EMC1: variants seen among roughly 807,000 people sequenced by gnomAD.
EMC1 encodes KIAA0090.
Under a neutral mutation model 128.8 loss-of-function variants are expected in EMC1, and 103 were observed. That is an observed-to-expected ratio of 0.80 (90% CI 0.68 to 0.94). The LOEUF is 0.94. Among genes scored for constraint, EMC1 ranks in the 40% least tolerant of loss-of-function variants. The pLI, the probability that EMC1 is intolerant of heterozygous loss-of-function variation, is 0.00. For missense variants in EMC1, 1,083 were observed against 1,250.6 expected (o/e 0.87, Z 2.02); for synonymous variants, 442 against 490.4 (o/e 0.90, Z 1.30).
chr1:19,226,684 T>C (rs151265644), intron 18 of EMC1, among the ~76,000 whole-genome samples: 2,691 of 151,414 alleles, frequency 0.018, 84 homozygotes, highest in African/African-American at 0.062. Flanking sequence ...GCCTCCCGAG[T>C]AGCTGAGACC....
At position 19,239,313 on chromosome 1, in the gene EMC1, A is replaced by AGCAAG; in HGVS notation, c.955-16_955-12dup. The AGCAAG allele has an allele frequency of 6.2e-7, 1 of 1,613,758 alleles. No individual in the cohort carries two copies. Among genetic ancestry groups the AGCAAG allele is most frequent in the Middle Eastern group, 1.7e-4 (1 of 6,040 alleles). On this transcript the variant is annotated splice_polypyrimidine_tract_variant and intron_variant, in intron 8 of 22. Coordinates refer to ENST00000477853, the MANE Select transcript of EMC1 (RefSeq NM_015047.3). ...GCTCACTAGGGCAGTCTGGGGGAAA[A>AGCAAG]GCAAGGCATCAGCTCCTAAATGGGA...
chr1:19,244,538 A>G, intron 2 of EMC1: 1 of 253,274 alleles, frequency 3.9e-6, no homozygotes, highest in Non-Finnish European at 7.7e-6. Context: ...CAGTCTCCCA[A>G]GTAGCTGGGA....
chr1:19,251,244 A>C (rs2151970027), intron 1 of EMC1, among the ~76,000 whole-genome samples, 171 bp downstream of exon 1: 1 of 152,332 alleles, frequency 6.6e-6, no homozygotes, highest in East Asian at 1.9e-4. Context: ...CTCTGCTTCC[A>C]ACGACTTTAA....
At chr1:19,229,819 G>A (rs2093506298) in intron 17 of EMC1, among the ~76,000 whole-genome samples, 1 of 152,194 alleles carries the variant, frequency 6.6e-6, no homozygotes, top group Admixed American at 6.5e-5. Flanking sequence ...AACCTTATGA[G>A]ACAGGTACTT....
At position 19,238,418 on chromosome 1, in the gene EMC1, C is replaced by A. The variant is rs184600685; in HGVS notation, c.1090-279G>T. Among the ~76,000 whole-genome samples, 589 of 152,302 alleles carry A rather than the reference C, an allele frequency of 3.9e-3. 3 individuals carry two copies. The highest frequency in any genetic ancestry group is 0.013 in the African/African-American group (525 of 41,554). Reference sequence around the variant, plus strand: ...AGAGGTAGGGCTGAGCAAGGTAAGACTGAGCAAGACAGGAGGCAGGGAAAC... The same window carrying A: ...AGAGGTAGGGCTGAGCAAGGTAAGAATGAGCAAGACAGGAGGCAGGGAAAC... On this transcript the variant is annotated intron_variant, in intron 10 of 22. Coordinates refer to ENST00000477853, the MANE Select transcript of EMC1 (RefSeq NM_015047.3).
intron 17 of EMC1, among the ~76,000 whole-genome samples, chr1:19,228,061 C>T (rs1407182072): frequency 3.9e-5 from 6 of 151,904 alleles, no homozygotes; most frequent in Non-Finnish European, 5.9e-5. Flanking sequence ...CAAAATTAGC[C>T]GGGTGTGGTG....
rs2093585342 is a variant in EMC1, at chr1:19,238,793, A to G, written c.1089+2T>C. 3 of 1,605,248 alleles carry G rather than the reference A, an allele frequency of 1.9e-6. No individual in the cohort carries two copies. The South Asian group carries it at 3.3e-5, about 18-fold the overall frequency. On this transcript the variant is annotated splice_donor_variant, in intron 10 of 22. Coordinates refer to ENST00000477853, the MANE Select transcript of EMC1 (RefSeq NM_015047.3). LOFTEE classifies it high-confidence loss of function. Reference sequence around the variant, plus strand: ...GGCATACTGCCCAGTGCCACACCATACCTTTGAACTAGACTTCTCCGAAAA... The same window carrying G: ...GGCATACTGCCCAGTGCCACACCATGCCTTTGAACTAGACTTCTCCGAAAA...
chr1:19,251,420 A>C lies in EMC1; in HGVS notation c.90T>G (p.Phe30Leu). The change falls in exon 1 of 23, where the codon TTT (phenylalanine) becomes TTG (leucine). Residue 30 changes from phenylalanine (F) to leucine (L), a missense_variant. By Grantham distance (22) the Phe-to-Leu change is conservative. Transcript: ENST00000477853. Reference sequence around the variant, plus strand: ...TATGTTCCACACGTACGCACCAATCAAACTTGCCCACTTGGTCTTCGTAGA... The same window carrying C: ...TATGTTCCACACGTACGCACCAATCCAACTTGCCCACTTGGTCTTCGTAGA... ...AAVYEDQVGK[F>L]DWRQQYVGKV... is the part of the protein sequence containing the mutation. The C allele has an allele frequency of 6.2e-7, 1 of 1,614,014 alleles. No individual in the cohort carries two copies. Among genetic ancestry groups the C allele is most frequent in the Non-Finnish European group, 8.5e-7 (1 of 1,179,922 alleles).
chr1:19,217,226 A>T lies in EMC1; in HGVS notation c.*2077T>A, dbSNP rs1222826260. The T allele has an allele frequency of 6.6e-6, 1 of 152,186 alleles. No individual in the cohort carries two copies. Among genetic ancestry groups the T allele is most frequent in the Non-Finnish European group, 1.5e-5 (1 of 68,052 alleles). The allele number at this position is 152,186 out of a possible 1,614,324, so 9.4% of individuals were successfully genotyped here. ...AAGTTGAGAACTAAGAAAAGATTTAAATTGGACTGTGGCATTAGCATTAAC... is the reference window on the plus strand; with the variant it reads ...AAGTTGAGAACTAAGAAAAGATTTATATTGGACTGTGGCATTAGCATTAAC... On this transcript the variant is annotated 3_prime_UTR_variant, in exon 23 of 23. Transcript: ENST00000477853.
intron 1 of EMC1, among the ~76,000 whole-genome samples, chr1:19,245,786 G>C (rs993650474): frequency 1.3e-5 from 2 of 150,908 alleles, no homozygotes; most frequent in Admixed American, 1.3e-4. Context: ...CACCACGCCC[G>C]GCTAATTTTT....
chr1:19,235,120 A>T lies in EMC1; in HGVS notation c.1432+10T>A. On this transcript the variant is annotated intron_variant, in intron 13 of 22. Coordinates refer to ENST00000477853, the MANE Select transcript of EMC1 (RefSeq NM_015047.3). Reference sequence around the variant, plus strand: ...AGCAACTCTGCAGCTCCAACCTCTTAGGTTCATACCTGCCTTTTTGCCAAA... The same window carrying T: ...AGCAACTCTGCAGCTCCAACCTCTTTGGTTCATACCTGCCTTTTTGCCAAA... The T allele has an allele frequency of 1.2e-6, 2 of 1,612,938 alleles. No homozygotes were observed. Among genetic ancestry groups the T allele is most frequent in the Non-Finnish European group, 1.7e-6 (2 of 1,179,418 alleles).
At chr1:19,231,138 G>T in intron 16 of EMC1, 123 bp downstream of exon 16, 1 of 1,332,592 alleles carries the variant, frequency 7.5e-7, no homozygotes, top group Non-Finnish European at 1.0e-6. Context: ...TCTTCGGGAT[G>T]GCCTTAGAGC....
At chr1:19,242,784 A>C (rs2093614005) in intron 4 of EMC1, among the ~76,000 whole-genome samples, 1 of 152,150 alleles carries the variant, frequency 6.6e-6, no homozygotes, top group Admixed American at 6.5e-5. Flanking sequence ...TGCTGTCATT[A>C]CTGTGCTACC....
At chr1:19,249,157 T>C (rs2093645364) in intron 1 of EMC1, among the ~76,000 whole-genome samples, 1 of 152,230 alleles carries the variant, frequency 6.6e-6, no homozygotes, top group Non-Finnish European at 1.5e-5. Context: ...AAGCTAAGGT[T>C]AACTTATTAT....
chr1:19,247,089 G>T (rs78765469), intron 1 of EMC1, among the ~76,000 whole-genome samples: 1 of 152,296 alleles, frequency 6.6e-6, no homozygotes, highest in African/African-American at 2.4e-5. Context: ...CCAATGCCTT[G>T]ATCTTGAATT....
chr1:19,248,310 AC>A (rs544681513), intron 1 of EMC1, among the ~76,000 whole-genome samples: 41 of 152,064 alleles, frequency 2.7e-4, no homozygotes, highest in South Asian at 1.5e-3. Context: ...TGATCCTCCC[AC>A]CTCAGCCTCC....
chr1:19,236,058 G>A (rs1488173020), intron 12 of EMC1, among the ~76,000 whole-genome samples: 1 of 152,054 alleles, frequency 6.6e-6, no homozygotes, highest in Non-Finnish European at 1.5e-5. Context: ...GTATCCCACC[G>A]AGAATGCCAA....
In EMC1 at chr1:19,241,589, A is replaced by G. The variant is rs759484583; in HGVS notation, c.510-447T>C. 6.8e-4 allele frequency among the ~76,000 whole-genome samples: 104 copies of G among 152,152 alleles called. 1 individual carries two copies. Among genetic ancestry groups the G allele is most frequent in the Non-Finnish European group, 8.1e-4 (55 of 67,994 alleles). ...CAGTGCAGTGGTGCGATCACGGCTC[A>G]CTGCAGCCTCTACCTCCCGAGGCTC... is the stretch of plus-strand genomic sequence containing the variant. On this transcript the variant is annotated intron_variant, in intron 5 of 22. Transcript: ENST00000477853.
chr1:19,218,058 C>T lies in EMC1; in HGVS notation c.*1245G>A, dbSNP rs928888474. On this transcript the variant is annotated 3_prime_UTR_variant, in exon 23 of 23. Transcript: ENST00000477853. ...AATGTGAAAATAGCCTCAAAATGATCTTCTAAGACACAAAAGAGGACTTAA... is the reference window on the plus strand; with the variant it reads ...AATGTGAAAATAGCCTCAAAATGATTTTCTAAGACACAAAAGAGGACTTAA... 6.6e-6 allele frequency: 1 copy of T among 152,332 alleles called. No individual in the cohort carries two copies. Among genetic ancestry groups the T allele is most frequent in the Non-Finnish European group, 1.5e-5 (1 of 68,034 alleles). 9.4% of individuals were successfully genotyped at this position (152,332 alleles called of 1,614,324 possible).
Sources: allele counts gnomAD v4.1 joint callset (sites outside exome capture counted in the v4.1 genomes callset), GRCh38; gene constraint gnomAD v4.1.1; transcripts MANE v1.5; gene names NCBI Gene and HGNC (gene_info 2026-07-23, HGNC 2026-07-21).